The following TTN variants were observed in gnomAD, a reference collection of about 807,000 sequenced individuals.
TTN encodes titin.
TTN carries 1,525 observed loss-of-function variants against 3,223.0 expected under a neutral mutation model. That is an observed-to-expected ratio of 0.47 (90% CI 0.45 to 0.49). TTN has a LOEUF of 0.49. Among genes scored for constraint, TTN ranks in the 20% least tolerant of loss-of-function variants. TTN has a pLI of 0.00. For missense variants in TTN, 40,786 were observed against 43,424.0 expected (o/e 0.94, Z 5.40); for synonymous variants, 14,094 against 15,161.0 (o/e 0.93, Z 5.17).
intron 288 of TTN, 93 bp from the exon 289 acceptor site, chr2:178,599,943 C>A: frequency 8.2e-7 from 1 of 1,212,422 alleles, no homozygotes; most frequent in Admixed American, 2.9e-5. Context: ...TTTGGATCCA[C>A]TGTAGGCAGA....
chr2:178,667,047 A>G, intron 162 of TTN, 146 bp from the exon 163 acceptor site: 4 of 919,904 alleles, frequency 4.3e-6, no homozygotes, highest in African/African-American at 1.7e-5. Flanking sequence ...ATCTTTGTAT[A>G]TTATATGTGT....
chr2:178,739,201 C>T lies in TTN; in HGVS notation c.14032G>A (p.Glu4678Lys), dbSNP rs1361758337. The T allele has an allele frequency of 1.9e-6, 3 of 1,544,616 alleles. No homozygotes were observed. Among genetic ancestry groups the T allele is most frequent in the Non-Finnish European group, 2.6e-6 (3 of 1,144,062 alleles). The part of the protein sequence containing the change: ...TEDHQGEYVC[E>K]ALNDSGKTAT... ...GTTTTTCCGCTGTCATTCAAGGCCT[C>T]ACAGACATACTCTCCTTGATGGTCT... The change falls in exon 48 of 363, where the codon GAG (glutamate) becomes AAG (lysine). Residue 4678 changes from glutamate to lysine, a missense_variant. Transcript: ENST00000589042.
In TTN at chr2:178,587,133, C is replaced by T. The variant is rs778085017; in HGVS notation, c.64078G>A (p.Ala21360Thr). 6.2e-7 allele frequency: 1 copy of T among 1,613,208 alleles called. No individual in the cohort carries two copies. The highest frequency in any genetic ancestry group is 1.1e-5 in the South Asian group (1 of 91,060). The change falls in exon 307 of 363, where the codon GCA becomes ACA. Residue 21360 changes from alanine to threonine, a missense_variant. Coordinates refer to ENST00000589042, the MANE Select transcript of TTN (RefSeq NM_001267550.2). The stretch of plus-strand genomic sequence containing the variant: ...TAATACTTACTTAGAGGATCTGATG[C>T]AAGCACTGGTTTTGGGACATCTGTT... ...VPTDVPKPVLASDPLSEPDPP... is the reference protein window; with the variant it reads ...VPTDVPKPVLTSDPLSEPDPP...
At position 178,739,215 on chromosome 2, in the gene TTN, C is replaced by T. The variant is rs374361492; in HGVS notation, c.14018G>A (p.Gly4673Glu). Residue 4673 changes from glycine to glutamate, a missense_variant, in exon 48 of 363, where the codon GGA (glycine) becomes GAA (glutamate). By Grantham distance (98) the Gly-to-Glu change is moderately conservative. Coordinates refer to ENST00000589042, the MANE Select transcript of TTN (RefSeq NM_001267550.2). ...IDKVNTEDHQGEYVCEALNDS... is the reference protein window; with the variant it reads ...IDKVNTEDHQEEYVCEALNDS... Reference sequence around the variant, plus strand: ...ATTCAAGGCCTCACAGACATACTCTCCTTGATGGTCTTCGGTATTTACTTT... The same window carrying T: ...ATTCAAGGCCTCACAGACATACTCTTCTTGATGGTCTTCGGTATTTACTTT... The T allele has an allele frequency of 1.1e-5, 18 of 1,570,148 alleles. No individual in the cohort carries two copies. Among genetic ancestry groups the T allele is most frequent in the Admixed American group, 1.7e-5 (1 of 57,542 alleles).
rs2067067049 is a variant in TTN, at chr2:178,671,958, G to T, written c.35227+13C>A. 2 of 1,578,698 alleles carry T rather than the reference G, an allele frequency of 1.3e-6. No individual in the cohort carries two copies. The highest frequency in any genetic ancestry group is 1.4e-5 in the African/African-American group (1 of 72,438). On this transcript the variant is annotated intron_variant, in intron 155 of 362. Coordinates refer to ENST00000589042, the MANE Select transcript of TTN (RefSeq NM_001267550.2). ...GATATAAGAATTTGTAGTATTTGAA[G>T]AATTCCCTATACCTTTAGGTGGAGC...
rs766007736 is a variant in TTN, at chr2:178,740,398, C to T, written c.12835G>A (p.Asp4279Asn). The T allele has an allele frequency of 6.2e-6, 10 of 1,613,210 alleles. No individual in the cohort carries two copies. The highest frequency in any genetic ancestry group is 8.5e-6 in the Non-Finnish European group (10 of 1,179,524). ...EGHVESLQSP[D>N]VMISQVNYEP... ...TAGTTTACCTGAGAGATCATGACAT[C>T]AGGACTCTGGAGACTCTCCACGTGT... The change falls in exon 48 of 363, where the codon GAT (aspartate) becomes AAT (asparagine). Residue 4279 changes from aspartate (D) to asparagine (N), a missense_variant. Asp to Asn is a conservative substitution (Grantham distance 23). Coordinates refer to ENST00000589042, the MANE Select transcript of TTN (RefSeq NM_001267550.2).
At position 178,539,552 on chromosome 2, in the gene TTN, A is replaced by T; in HGVS notation, c.98513T>A (p.Val32838Glu). The change falls in exon 352 of 363, where the codon GTG (valine) becomes GAG (glutamate). Residue 32838 changes from valine (V) to glutamate (E), a missense_variant. Val to Glu is a moderately radical substitution (Grantham distance 121, BLOSUM62 -2). Coordinates refer to ENST00000589042, the MANE Select transcript of TTN (RefSeq NM_001267550.2). The stretch of plus-strand genomic sequence containing the variant: ...AATGGTATACCAGGCGGCTTTAGGC[A>T]CTTCTCGTCTCTCGAGGATGTAGCC... Reference protein sequence around the residue: ...ILGYILERREVPKAAWYTIDS... With the variant: ...ILGYILERREEPKAAWYTIDS... 1 of 1,613,802 alleles carries T rather than the reference A, an allele frequency of 6.2e-7. No individual in the cohort carries two copies. The highest frequency in any genetic ancestry group is 2.2e-5 in the East Asian group (1 of 44,866).
rs1035620523 is a variant in TTN, at chr2:178,555,912, A to G, written c.88307-760T>C. 1.3e-5 allele frequency: 2 copies of G among 152,254 alleles called. 1 individual carries two copies. Among genetic ancestry groups the G allele is most frequent in the Admixed American group, 1.3e-4 (2 of 15,284 alleles). 9.4% of individuals were successfully genotyped at this position (152,254 alleles called of 1,614,324 possible). A position where few individuals can be genotyped will look rare whatever the true frequency, so the allele number is the denominator to read the frequency against. Reference sequence around the variant, plus strand: ...GAGTTGAATGTGCCACTTATTTTCCAGAATGGTGAAGAATACGCATTTTGG... The same window carrying G: ...GAGTTGAATGTGCCACTTATTTTCCGGAATGGTGAAGAATACGCATTTTGG... On this transcript the variant is annotated intron_variant, in intron 330 of 362. Transcript: ENST00000589042.
intron 189 of TTN, among the ~76,000 whole-genome samples, chr2:178,655,289 T>C (rs1157015899): frequency 4.3e-5 from 6 of 137,970 alleles, no homozygotes; most frequent in Non-Finnish European, 9.0e-5. Context: ...TATCTCAAAA[T>C]AATAAGAGCT....
chr2:178,667,184 A>G (rs2066106805), intron 162 of TTN, 52 bp downstream of exon 162: 1 of 1,430,800 alleles, frequency 7.0e-7, no homozygotes, highest in East Asian at 2.5e-5. Flanking sequence ...TATTTTGCAG[A>G]CTGAAGACAG....
rs758072872 is a variant in TTN at position 178,584,551 on chromosome 2, C to T, written c.65000G>A (p.Arg21667Gln). The change falls in exon 311 of 363, where the codon CGA (arginine) becomes CAA (glutamine). Residue 21667 changes from arginine (R) to glutamine (Q), a missense_variant. Physicochemically the swap from Arg to Gln is conservative, Grantham distance 43. Transcript: ENST00000589042. ...FGVPSEPKNA[R>Q]VTKVNKDCIF... is the part of the protein sequence containing the mutation. ...ACAGTCCTTGTTGACTTTGGTGACT[C>T]GTGCATTCTTTGGTTCACTAGGAAC... 8.7e-6 allele frequency: 14 copies of T among 1,612,436 alleles called. No homozygotes were observed. The highest frequency in any genetic ancestry group is 3.3e-4 in the Middle Eastern group (2 of 6,046).
At chr2:178,758,871 G>C in intron 44 of TTN, 113 bp downstream of exon 44, 1 of 1,110,744 alleles carries the variant, frequency 9.0e-7, no homozygotes, top group Non-Finnish European at 1.4e-6. Context: ...AGTTGAATTA[G>C]AAGAGAATGG....
intron 47 of TTN, chr2:178,748,256 A>G: frequency 6.2e-7 from 1 of 1,613,014 alleles, no homozygotes; most frequent in Non-Finnish European, 8.5e-7. Flanking sequence ...ATCAGTTTTT[A>G]AAATGTCTAA....
Position 178,617,839 on chromosome 2 carries a change from G to C in TTN, c.47512C>G (p.Arg15838Gly). The C allele has an allele frequency of 6.2e-7, 1 of 1,612,512 alleles. No homozygotes were observed. Among genetic ancestry groups the C allele is most frequent in the African/African-American group, 1.3e-5 (1 of 74,892 alleles). The part of the protein sequence containing the change: ...EYSFRVRAQN[R>G]IGVGKPSAAT... ...GCACTTGGTTTTCCAACTCCAATTC[G>C]ATTTTGGGCTCTCACTCGGAAACTG... The change falls in exon 253 of 363, where the codon CGA (arginine) becomes GGA (glycine). Residue 15838 changes from arginine (R) to glycine (G), a missense_variant. Transcript: ENST00000589042.
chr2:178,634,153 C>A lies in TTN; in HGVS notation c.42416-70G>T. The stretch of plus-strand genomic sequence containing the variant: ...TCAGAAAGATTCCATTCTAATCTGC[C>A]TGAGTAAAAGGGACCCATTTCACAT... On this transcript the variant is annotated intron_variant, in intron 230 of 362. Transcript: ENST00000589042. The surrounding 1 kb of genome is among the most constrained non-coding windows in gnomAD (Gnocchi z 4.6). 6.3e-7 allele frequency: 1 copy of A among 1,581,816 alleles called. No homozygotes were observed. Among genetic ancestry groups the A allele is most frequent in the Middle Eastern group, 2.1e-4 (1 of 4,848 alleles).
chr2:178,751,502 A>C, intron 47 of TTN: 3 of 1,613,364 alleles, frequency 1.9e-6, no homozygotes, highest in South Asian at 2.2e-5. Context: ...CCTCAGGTCA[A>C]CCTTTATCCT....
chr2:178,701,245 T>C (rs759146693), intron 110 of TTN, 42 bp from the exon 111 acceptor site: 27 of 1,545,398 alleles, frequency 1.7e-5, no homozygotes, highest in Non-Finnish European at 2.3e-5. Context: ...TTTAGTTTCT[T>C]ATTTTGCGTA....
chr2:178,611,931 C>T lies in TTN; in HGVS notation c.50378G>A (p.Arg16793Lys), dbSNP rs1446626288. The T allele has an allele frequency of 6.2e-7, 1 of 1,611,938 alleles. No homozygotes were observed. Among genetic ancestry groups the T allele is most frequent in the Non-Finnish European group, 8.5e-7 (1 of 1,179,062 alleles). Residue 16793 changes from arginine to lysine, a missense_variant, in exon 268 of 363, where the codon AGG becomes AAG. By Grantham distance (26) the Arg-to-Lys change is conservative (BLOSUM62 2). Transcript: ENST00000589042. ...AGCTTTCACCCAACGGGTACCTAAC[C>T]TTTCTTTCTTCTCAATGACATATCT... Reference protein sequence around the residue: ...IQRYVIEKKERLGTRWVKAGK... With the variant: ...IQRYVIEKKEKLGTRWVKAGK...
Position 178,704,716 on chromosome 2 carries a change from A to C in TTN, c.29756T>G (p.Phe9919Cys). Residue 9919 changes from phenylalanine to cysteine, a missense_variant, in exon 105 of 363, where the codon TTT becomes TGT. Coordinates refer to ENST00000589042, the MANE Select transcript of TTN (RefSeq NM_001267550.2). ...ATAATTAATTTTAATGTCAATTTCA[A>C]AGACAGCATCATTATCTTTCAAAAC... Reference protein sequence around the residue: ...QTVLKDNDAVFEIDIKINYPE... With the variant: ...QTVLKDNDAVCEIDIKINYPE... The C allele has an allele frequency of 6.2e-7, 1 of 1,611,450 alleles. No homozygotes were observed. Among genetic ancestry groups the C allele is most frequent in the Non-Finnish European group, 8.5e-7 (1 of 1,179,486 alleles).
Sources: allele counts gnomAD v4.1 joint callset (sites outside exome capture counted in the v4.1 genomes callset), GRCh38; gene constraint gnomAD v4.1.1; non-coding constraint Gnocchi (gnomAD v3.1); transcripts MANE v1.5; gene names NCBI Gene and HGNC (gene_info 2026-07-23, HGNC 2026-07-21).